Variants in SCN9A observed in about 807,000 individuals in gnomAD.
SCN9A encodes sodium voltage-gated channel alpha subunit 9, also known as sodium channel protein type 9 subunit alpha.
SCN9A carries 131 observed loss-of-function variants against 187.0 expected under a neutral mutation model. That is an observed-to-expected ratio of 0.70 (90% CI 0.61 to 0.81). The LOEUF (loss-of-function observed/expected upper bound fraction) is 0.81. SCN9A is among the 30% of genes least tolerant of loss of function. The pLI, the probability that SCN9A is intolerant of heterozygous loss-of-function variation, is 0.00. For synonymous variants in SCN9A, 809 were observed against 808.6 expected (o/e 1.00, Z -0.01); for missense variants, 2,252 against 2,396.6 (o/e 0.94, Z 1.26).
intron 1 of SCN9A, among the ~76,000 whole-genome samples, chr2:166,346,315 C>A (rs887972513): frequency 1.3e-5 from 2 of 152,148 alleles, no homozygotes; most frequent in Non-Finnish European, 2.9e-5. Flanking sequence ...ATAGTATTAT[C>A]ATGAAACTTT....
At chr2:166,328,251 AT>A (rs74658674) in intron 1 of SCN9A, among the ~76,000 whole-genome samples, 6,100 of 149,920 alleles carry the variant, frequency 0.041, 349 homozygotes, top group African/African-American at 0.13. Context: ...GGATATATGC[AT>A]TTTTTTTTTA....
chr2:166,351,170 A>C (rs1305389458), intron 1 of SCN9A, among the ~76,000 whole-genome samples: 1 of 152,198 alleles, frequency 6.6e-6, no homozygotes, highest in Non-Finnish European at 1.5e-5. Flanking sequence ...TGAAGTCTTG[A>C]AGCATGAAAA....
chr2:166,218,205 A>G (rs1008238260), intron 24 of SCN9A, among the ~76,000 whole-genome samples: 1 of 145,720 alleles, frequency 6.9e-6, no homozygotes, highest in Admixed American at 7.2e-5. Flanking sequence ...TATGCTAAGC[A>G]AAATTAGCCA....
At chr2:166,351,137 G>A (rs1321178443) in intron 1 of SCN9A, among the ~76,000 whole-genome samples, 3 of 151,968 alleles carry the variant, frequency 2.0e-5, no homozygotes, top group Non-Finnish European at 4.4e-5. Flanking sequence ...AGGCTTCCAA[G>A]GGAAGAATTT....
chr2:166,362,693 C>A (rs886946557), intron 1 of SCN9A, among the ~76,000 whole-genome samples: 15 of 151,806 alleles, frequency 9.9e-5, no homozygotes, highest in Non-Finnish European at 1.9e-4. Flanking sequence ...GACTCCTGAT[C>A]AAATTTATAT....
chr2:166,214,285 C>T (rs1474926624), intron 24 of SCN9A, among the ~76,000 whole-genome samples: 1 of 151,992 alleles, frequency 6.6e-6, no homozygotes, highest in Non-Finnish European at 1.5e-5. Context: ...CTCTCAGAAG[C>T]TTTAATTCCT....
intron 1 of SCN9A, among the ~76,000 whole-genome samples, chr2:166,349,126 A>AAAAC (rs150473901): frequency 0.015 from 2,219 of 150,358 alleles, 17 homozygotes; most frequent in African/African-American, 0.022. Flanking sequence ...AAACTCCGTC[A>AAAAC]AAACAAACAA....
At chr2:166,312,953 T>C (rs1320914006) in intron 1 of SCN9A, among the ~76,000 whole-genome samples, 1 of 150,360 alleles carries the variant, frequency 6.7e-6, no homozygotes, top group Non-Finnish European at 1.5e-5. Context: ...TTAGTATAAT[T>C]CTTAAGAGAT....
intron 1 of SCN9A, among the ~76,000 whole-genome samples, chr2:166,357,157 T>C (rs1392986380): frequency 6.6e-6 from 1 of 152,184 alleles, no homozygotes. Context: ...TGTTCCCACC[T>C]ATGTGTCCAT....
intron 2 of SCN9A, among the ~76,000 whole-genome samples, chr2:166,311,097 T>G (rs1574912507): frequency 2.2e-5 from 1 of 44,832 alleles, no homozygotes. Context: ...GGGACTGTGG[T>G]GGGGTGGGGG....
At chr2:166,246,746 G>A (rs1695807866) in intron 18 of SCN9A, among the ~76,000 whole-genome samples, 1 of 151,926 alleles carries the variant, frequency 6.6e-6, no homozygotes, top group Admixed American at 6.6e-5. Flanking sequence ...TCTTAAAATT[G>A]AAGGGAAACA....
In SCN9A at chr2:166,293,362, C is replaced by G. The variant is rs1446577305; in HGVS notation, c.976G>C (p.Glu326Gln). ...CCAATTTTCACACAGGTGTACCCCT[C>G]TGGACACTGACTACACACGAGAAAG... Reference protein sequence around the residue: ...GFSTDSGQCPEGYTCVKIGRN... With the variant: ...GFSTDSGQCPQGYTCVKIGRN... Residue 326 changes from glutamate to glutamine, a missense_variant, in exon 9 of 27, where the codon GAG becomes CAG. Coordinates refer to ENST00000642356, the MANE Select transcript of SCN9A (RefSeq NM_001365536.1). 6.2e-7 allele frequency: 1 copy of G among 1,607,728 alleles called. No individual in the cohort carries two copies. Among genetic ancestry groups the G allele is most frequent in the South Asian group, 1.1e-5 (1 of 89,534 alleles).
chr2:166,342,639 T>C (rs528315588), intron 1 of SCN9A, among the ~76,000 whole-genome samples: 3 of 152,266 alleles, frequency 2.0e-5, no homozygotes, highest in South Asian at 4.1e-4. Flanking sequence ...GATCTCCCAA[T>C]AAATGAATTT....
chr2:166,360,529 A>G (rs1700258407), intron 1 of SCN9A, among the ~76,000 whole-genome samples: 1 of 152,152 alleles, frequency 6.6e-6, no homozygotes, highest in African/African-American at 2.4e-5. Flanking sequence ...TGTATTTCCA[A>G]TATTATTATA....
chr2:166,263,848 T>A (rs1410633819), intron 17 of SCN9A, among the ~76,000 whole-genome samples: 1 of 151,936 alleles, frequency 6.6e-6, no homozygotes, highest in African/African-American at 2.4e-5. Context: ...AGCTGCAAGC[T>A]GCAAGGATTG....
chr2:166,199,203 A>G lies in SCN9A; in HGVS notation c.5436T>C (p.Pro1812=). ...LSDFAAALDP[P]LLIAKPNKVQ... ...CTTTGTTGGGTTTTGCTATGAGAAG[A>G]GGAGGATCCAGGGCAGCTGCAAAAT... Residue 1812 remains proline (P), a synonymous_variant, in exon 27 of 27, where the codon CCT becomes CCC. Coordinates refer to ENST00000642356, the MANE Select transcript of SCN9A (RefSeq NM_001365536.1). 6.2e-7 allele frequency: 1 copy of G among 1,614,184 alleles called. No homozygotes were observed. Among genetic ancestry groups the G allele is most frequent in the African/African-American group, 1.3e-5 (1 of 75,052 alleles).
At chr2:166,251,979 G>T in intron 17 of SCN9A, 94 bp from the exon 18 acceptor site, 2 of 1,399,646 alleles carry the variant, frequency 1.4e-6, no homozygotes, top group Middle Eastern at 1.8e-4. Context: ...CTCATGCAAA[G>T]TATTATGAAA....
chr2:166,332,375 A>G (rs979654812), intron 1 of SCN9A, among the ~76,000 whole-genome samples: 1 of 152,192 alleles, frequency 6.6e-6, no homozygotes, highest in Non-Finnish European at 1.5e-5. Flanking sequence ...TGGGACAGCC[A>G]GTGTTTGTTT....
chr2:166,277,860 T>C, intron 15 of SCN9A: 1 of 305,608 alleles, frequency 3.3e-6, no homozygotes. Flanking sequence ...ACAAGCTTCT[T>C]ACTCTGAAAT....
Sources: gnomAD v4.1 joint callset for allele counts (sites outside exome capture counted in the v4.1 genomes callset) on GRCh38, gnomAD v4.1.1 for gene constraint, MANE v1.5 for transcripts, NCBI Gene and HGNC (gene_info 2026-07-23, HGNC 2026-07-21) for gene names.